The following OLFM3 variants were observed in gnomAD, a reference collection of about 807,000 sequenced individuals.
The protein encoded by OLFM3 is olfactomedin 3, also known as noelin-3.
In OLFM3, 20 loss-of-function variants were observed where a neutral mutation model predicts 48.6. That is an observed-to-expected ratio of 0.41 (90% CI 0.29 to 0.60). The LOEUF is 0.60. Ranked by LOEUF, OLFM3 falls within the 20% of genes least tolerant of loss-of-function variation. The probability of loss-of-function intolerance (pLI) is 0.28; values close to 1 mark genes in which losing one functional copy is unlikely to be tolerated. For missense variants in OLFM3, 437 were observed against 544.3 expected, an observed-to-expected ratio of 0.80 and a Z score of 1.96; for synonymous variants, 222 against 198.1, an observed-to-expected ratio of 1.12 and a Z score of -1.01.
At chr1:101,945,852 A>G (rs1336789) in intron 1 of OLFM3, among the ~76,000 whole-genome samples, 60,626 of 150,990 alleles carry the variant, frequency 0.4, 12,350 homozygotes, top group East Asian at 0.51. Context: ...AACAAACACA[A>G]CAGCAACAAT....
At chr1:101,867,640 C>T (rs1292698892) in intron 1 of OLFM3, among the ~76,000 whole-genome samples, 1 of 152,176 alleles carries the variant, frequency 6.6e-6, no homozygotes, top group African/African-American at 2.4e-5. Flanking sequence ...CACGATTAGC[C>T]ATACCTAGAT....
At position 101,960,102 on chromosome 1, in the gene OLFM3, G is replaced by A. The variant is rs190352365; in HGVS notation, c.69+36646C>T. On this transcript the variant is annotated intron_variant, in intron 1 of 5. Coordinates refer to ENST00000370103, the MANE Select transcript of OLFM3 (RefSeq NM_058170.4). ...AAAATAAAATTACGAGGCTTATGGA[G>A]GAAACGGGGCTGGGGCAAAACCTAT... 2.0e-5 allele frequency among the ~76,000 whole-genome samples: 3 copies of A among 152,220 alleles called. No individual in the cohort carries two copies. The East Asian group carries it at 5.8e-4, about 29-fold the overall frequency.
intron 1 of OLFM3, among the ~76,000 whole-genome samples, chr1:101,966,765 T>C (rs1660621741): frequency 6.6e-6 from 1 of 152,158 alleles, no homozygotes; most frequent in South Asian, 2.1e-4. Context: ...GTTCTCCTTT[T>C]TCTAGTTAAT....
chr1:101,986,701 A>G (rs1661253675), intron 1 of OLFM3, among the ~76,000 whole-genome samples: 1 of 151,746 alleles, frequency 6.6e-6, no homozygotes, highest in African/African-American at 2.4e-5. Flanking sequence ...TAGGGAAAGA[A>G]AAAGGAGCTT....
At chr1:101,986,810 A>T (rs547547621) in intron 1 of OLFM3, among the ~76,000 whole-genome samples, 1 of 152,322 alleles carries the variant, frequency 6.6e-6, no homozygotes, top group Admixed American at 6.5e-5. Context: ...GTTGAATACC[A>T]GCAGTAATAG....
chr1:101,883,949 T>A (rs1462926837), intron 1 of OLFM3, among the ~76,000 whole-genome samples: 3 of 151,900 alleles, frequency 2.0e-5, no homozygotes, highest in Admixed American at 6.6e-5. Flanking sequence ...TTTTTTTTAA[T>A]CCTGGTCTGT....
intron 1 of OLFM3, among the ~76,000 whole-genome samples, chr1:101,901,215 A>G (rs1419045354): frequency 6.6e-6 from 1 of 152,136 alleles, no homozygotes; most frequent in Non-Finnish European, 1.5e-5. Flanking sequence ...GACATGCAAA[A>G]TAAACAGCTG....
intron 4 of OLFM3, among the ~76,000 whole-genome samples, chr1:101,808,580 A>G (rs1186176027): frequency 1.3e-5 from 2 of 151,818 alleles, no homozygotes; most frequent in Admixed American, 6.6e-5. Flanking sequence ...GGGACTGCAG[A>G]AGGCAAAGGA....
chr1:101,909,984 A>G (rs1255649454), intron 1 of OLFM3: 4 of 985,258 alleles, frequency 4.1e-6, no homozygotes, highest in Non-Finnish European at 4.8e-6. Flanking sequence ...GCATAGCCAG[A>G]ACACATCTCA....
At chr1:101,862,227 C>A (rs12134679) in intron 1 of OLFM3, among the ~76,000 whole-genome samples, 1 of 152,174 alleles carries the variant, frequency 6.6e-6, no homozygotes, top group Non-Finnish European at 1.5e-5. Flanking sequence ...TGACTCAAAT[C>A]TTCCAGGCAA....
chr1:101,960,865 T>C (rs1412386514), intron 1 of OLFM3, among the ~76,000 whole-genome samples: 2 of 152,172 alleles, frequency 1.3e-5, no homozygotes, highest in African/African-American at 4.8e-5. Context: ...CTTACAGAGA[T>C]AGAAAGTTCA....
chr1:101,985,806 G>C (rs1276514050), intron 1 of OLFM3, among the ~76,000 whole-genome samples: 1 of 152,108 alleles, frequency 6.6e-6, no homozygotes, highest in Non-Finnish European at 1.5e-5. Flanking sequence ...AATTTTGTGT[G>C]TGTGTCACTA....
intron 4 of OLFM3, among the ~76,000 whole-genome samples, chr1:101,808,794 C>T (rs577165468): frequency 6.6e-6 from 1 of 151,734 alleles, no homozygotes; most frequent in Non-Finnish European, 1.5e-5. Context: ...ATATGTATAA[C>T]CGAGGATGGC....
In OLFM3 at chr1:101,837,002, C is replaced by T. The variant is rs1438508281; in HGVS notation, c.93G>A (p.Gly31=). 1.2e-6 allele frequency: 2 copies of T among 1,613,784 alleles called. No individual in the cohort carries two copies. The highest frequency in any genetic ancestry group is 2.7e-5 in the African/African-American group (2 of 74,902). Residue 31 remains glycine, a synonymous_variant, in exon 2 of 6, where the codon GGG becomes GGA. Transcript: ENST00000370103. ...CCTGAGCTGAGCTGTACACCTGCCACCCTTCTTTAGGACTAATCTGAGTCT... is the reference window on the plus strand; with the variant it reads ...CCTGAGCTGAGCTGTACACCTGCCATCCTTCTTTAGGACTAATCTGAGTCT... The part of the protein sequence containing the change: ...PSKTQISPKE[G]WQVYSSAQDP...
At chr1:101,968,632 G>A (rs1197496879) in intron 1 of OLFM3, among the ~76,000 whole-genome samples, 1 of 151,054 alleles carries the variant, frequency 6.6e-6, no homozygotes, top group Admixed American at 6.6e-5. Context: ...TATGGAAAAG[G>A]CAAAAGAAAA....
At chr1:101,809,301 A>G (rs1292860591) in intron 4 of OLFM3, among the ~76,000 whole-genome samples, 1 of 151,900 alleles carries the variant, frequency 6.6e-6, no homozygotes, top group Non-Finnish European at 1.5e-5. Context: ...GAAGATTAAG[A>G]GTAAATTGAA....
chr1:101,895,038 C>T (rs189314106), intron 1 of OLFM3, among the ~76,000 whole-genome samples: 3 of 152,204 alleles, frequency 2.0e-5, no homozygotes, highest in African/African-American at 7.2e-5. Flanking sequence ...TGTAAACACC[C>T]TGCTTACTTT....
chr1:101,959,259 A>C (rs1194340702), intron 1 of OLFM3, among the ~76,000 whole-genome samples: 1 of 152,134 alleles, frequency 6.6e-6, no homozygotes, highest in African/African-American at 2.4e-5. Context: ...TAAAAATATA[A>C]AGCCAAACAA....
intron 1 of OLFM3, among the ~76,000 whole-genome samples, chr1:101,992,594 A>G (rs540540819): frequency 2.0e-5 from 3 of 151,222 alleles, no homozygotes; most frequent in South Asian, 4.2e-4. Flanking sequence ...CGAATTTTAA[A>G]GCAAGTAGTA....
Sources: allele counts gnomAD v4.1 joint callset (sites outside exome capture counted in the v4.1 genomes callset), GRCh38; gene constraint gnomAD v4.1.1; transcripts MANE v1.5; gene names NCBI Gene and HGNC (gene_info 2026-07-23, HGNC 2026-07-21).